TMEM245: variants seen among roughly 807,000 people sequenced by gnomAD.
TMEM245 encodes the protein transmembrane protein 245.
In TMEM245, 69 loss-of-function variants were observed where a neutral mutation model predicts 101.2. The observed-to-expected ratio is 0.68, with a 90% CI of 0.56 to 0.83. The LOEUF is 0.83. TMEM245 is among the 40% of genes least tolerant of loss of function. The probability of loss-of-function intolerance (pLI) is 0.00; values close to 1 mark genes in which losing one functional copy is unlikely to be tolerated. For missense variants in TMEM245, 1,075 were observed against 1,092.8 expected (o/e 0.98, Z 0.23); for synonymous variants, 537 against 449.8 (o/e 1.19, Z -2.45).
intron 14 of TMEM245, chr9:109,042,422 G>C (rs939251602): frequency 6.6e-6 from 1 of 152,028 alleles, no homozygotes; most frequent in African/African-American, 2.4e-5. Flanking sequence ...GAGCAGAGAG[G>C]GAACAGAGCA....
intron 15 of TMEM245, 30 bp downstream of exon 15, chr9:109,037,987 G>A (rs7029890): frequency 0.15 from 219,986 of 1,491,108 alleles, 17,320 homozygotes; most frequent in African/African-American, 0.2. Flanking sequence ...CTTAAATAGC[G>A]AATAGTGGAA....
intron 12 of TMEM245, 102 bp downstream of exon 12, chr9:109,057,089 T>C (rs2132419080): frequency 7.7e-7 from 1 of 1,304,750 alleles, no homozygotes; most frequent in South Asian, 1.5e-5. Flanking sequence ...GTCATGATGT[T>C]AAAAACAGGA....
intron 12 of TMEM245, among the ~76,000 whole-genome samples, chr9:109,052,860 T>C (rs545356796): frequency 2.0e-5 from 3 of 152,296 alleles, no homozygotes; most frequent in East Asian, 3.9e-4. Context: ...AAATATCTTG[T>C]GGTAATTCTT....
intron 1 of TMEM245, among the ~76,000 whole-genome samples, chr9:109,111,344 G>A (rs1830561674): frequency 6.6e-6 from 1 of 152,168 alleles, no homozygotes; most frequent in African/African-American, 2.4e-5. Flanking sequence ...ACTACCCTTA[G>A]TAAGAAGCTG....
At chr9:109,022,071 T>C (rs769121541) in intron 17 of TMEM245, among the ~76,000 whole-genome samples, 14 of 152,286 alleles carry the variant, frequency 9.2e-5, no homozygotes, top group South Asian at 4.1e-4. Context: ...AGGAGGCCCA[T>C]AGGCAAGGCA....
Position 109,090,989 on chromosome 9 carries a change from C to A in TMEM245, c.1083G>T (p.Trp361Cys). Residue 361 changes from tryptophan (W) to cysteine (C), a missense_variant, in exon 5 of 18, where the codon TGG becomes TGT. Coordinates refer to ENST00000374586, the MANE Select transcript of TMEM245 (RefSeq NM_032012.4). ...ACCAGATCTGCATGACGACAATGGC[C>A]CAAACTAGAGACACAAAGTAGATGT... ...TSDIYFVSLV[W>C]AIVVMQIWLN... The A allele has an allele frequency of 1.2e-6, 2 of 1,614,128 alleles. No individual in the cohort carries two copies. Among genetic ancestry groups the A allele is most frequent in the Non-Finnish European group, 1.7e-6 (2 of 1,180,032 alleles).
chr9:109,119,756 G>C lies in TMEM245; in HGVS notation c.158C>G (p.Ala53Gly), dbSNP rs1213191003. 6.6e-7 allele frequency: 1 copy of C among 1,516,370 alleles called. No homozygotes were observed. The highest frequency in any genetic ancestry group is 2.1e-5 in the Admixed American group (1 of 48,594). The allele number at this position is 1,516,370 out of a possible 1,614,324, so 93.9% of individuals were successfully genotyped here. Reference sequence around the variant, plus strand: ...CAGCACGGCCCCGGTGTTGTAGAAGGCCTGCTTAATGGGCTTGTCGAAGCG... The same window carrying C: ...CAGCACGGCCCCGGTGTTGTAGAAGCCCTGCTTAATGGGCTTGTCGAAGCG... Reference protein sequence around the residue: ...ALRFDKPIKQAFYNTGAVLFV... With the variant: ...ALRFDKPIKQGFYNTGAVLFV... The change falls in exon 1 of 18, where the codon GCC (alanine) becomes GGC (glycine). Residue 53 changes from alanine to glycine, a missense_variant. By Grantham distance (60) the Ala-to-Gly change is moderately conservative. This residue lies in a region of TMEM245 where 808 missense variants were observed against 741.5 expected (regional missense o/e 1.09). Transcript: ENST00000374586.
At chr9:109,078,951 C>A (rs948314730) in intron 8 of TMEM245, among the ~76,000 whole-genome samples, 1 of 152,136 alleles carries the variant, frequency 6.6e-6, no homozygotes, top group African/African-American at 2.4e-5. Context: ...GGACTTGACA[C>A]CAAAAGCACA....
intron 3 of TMEM245, among the ~76,000 whole-genome samples, chr9:109,101,332 C>A (rs1451316793): frequency 6.6e-6 from 1 of 152,004 alleles, no homozygotes; most frequent in Admixed American, 6.6e-5. Context: ...CTGGAAATGA[C>A]AAGGAAAGAG....
At chr9:109,092,953 G>A (rs1377942796) in intron 4 of TMEM245, among the ~76,000 whole-genome samples, 1 of 150,198 alleles carries the variant, frequency 6.7e-6, no homozygotes, top group Non-Finnish European at 1.5e-5. Context: ...GAATGACAGA[G>A]AAATGGATGA....
chr9:109,087,636 G>A (rs1388081508), intron 5 of TMEM245, among the ~76,000 whole-genome samples: 6 of 152,234 alleles, frequency 3.9e-5, no homozygotes, highest in South Asian at 2.1e-4. Flanking sequence ...TAATCTCATC[G>A]TGAAGATTTC....
At chr9:109,086,855 C>T (rs576654824) in intron 6 of TMEM245, among the ~76,000 whole-genome samples, 3 of 152,308 alleles carry the variant, frequency 2.0e-5, no homozygotes, top group Admixed American at 6.5e-5. Context: ...TAAACTGAGC[C>T]ACTACCTAGC....
chr9:109,063,397 A>G (rs1221747074), intron 10 of TMEM245, among the ~76,000 whole-genome samples: 1 of 152,240 alleles, frequency 6.6e-6, no homozygotes, highest in Admixed American at 6.5e-5. Context: ...CTTGGATTAT[A>G]GGCGTGAGCC....
rs752894720 is a variant in TMEM245, at chr9:109,115,522, C to CTT, written c.579+3811_579+3812dup. Among the ~76,000 whole-genome samples the CTT allele has an allele frequency of 2.6e-3, 173 of 67,204 alleles. 14 individuals carry two copies. The highest frequency in any genetic ancestry group is 5.8e-3 in the African/African-American group (94 of 16,154). 44.1% of individuals were successfully genotyped at this position (67,204 alleles called of 152,430 possible). ...CTGATTTTTTCCTAGTAACTGGAAT[C>CTT]TTTTTTTTTTTTTTTTTTTTTTTTT... On this transcript the variant is annotated intron_variant, in intron 1 of 17. Transcript: ENST00000374586.
chr9:109,085,964 A>C lies in TMEM245; in HGVS notation c.1344+33T>G, dbSNP rs779066155. 1.3e-5 allele frequency: 21 copies of C among 1,611,476 alleles called. No homozygotes were observed. The South Asian group carries it at 2.3e-4, about 18-fold the overall frequency. Reference sequence around the variant, plus strand: ...CGATACAGGGGCATTACGGAATTCAATAGTAAAAACCAACATCTGGGTGTT... The same window carrying C: ...CGATACAGGGGCATTACGGAATTCACTAGTAAAAACCAACATCTGGGTGTT... On this transcript the variant is annotated intron_variant, in intron 7 of 17. Transcript: ENST00000374586.
chr9:109,037,533 A>G (rs764326480), intron 15 of TMEM245, among the ~76,000 whole-genome samples: 5 of 152,138 alleles, frequency 3.3e-5, no homozygotes, highest in Admixed American at 1.3e-4. Context: ...ATGATAGTGA[A>G]TGAATGAGTT....
At chr9:109,108,174 G>A (rs1830476271) in intron 2 of TMEM245, among the ~76,000 whole-genome samples, 1 of 152,014 alleles carries the variant, frequency 6.6e-6, no homozygotes, top group South Asian at 2.1e-4. Flanking sequence ...CCCTAAGTAT[G>A]ACACTCAGAA....
chr9:109,045,058 C>A (rs764376444), intron 14 of TMEM245, among the ~76,000 whole-genome samples: 1 of 152,192 alleles, frequency 6.6e-6, no homozygotes, highest in Non-Finnish European at 1.5e-5. Context: ...CCGTACCTGG[C>A]CTCATTTCTT....
At chr9:109,081,182 C>G (rs141162905) in intron 7 of TMEM245, among the ~76,000 whole-genome samples, 75 of 152,224 alleles carry the variant, frequency 4.9e-4, no homozygotes, top group African/African-American at 1.7e-3. Context: ...TCAACATAAT[C>G]CATATCTATG....
Sources: allele counts gnomAD v4.1 joint callset (sites outside exome capture counted in the v4.1 genomes callset), GRCh38; gene constraint gnomAD v4.1.1; regional missense constraint gnomAD v4.1.1; transcripts MANE v1.5; gene names NCBI Gene and HGNC (gene_info 2026-07-23, HGNC 2026-07-21).